SUMF1: variants seen among roughly 807,000 people sequenced by gnomAD.
The protein encoded by SUMF1 is formylglycine-generating enzyme.
A neutral mutation model predicts 47.6 loss-of-function variants in SUMF1; 48 were observed. That is an observed-to-expected ratio of 1.01 (90% CI 0.80 to 1.28). The LOEUF (loss-of-function observed/expected upper bound fraction) is 1.28. Ranked by LOEUF, SUMF1 falls within the 50% of genes most tolerant of loss-of-function variation. SUMF1 has a pLI of 0.00. For missense variants in SUMF1, 571 were observed against 485.4 expected (o/e 1.18, Z -1.66); for synonymous variants, 230 against 192.1 (o/e 1.20, Z -1.63).
intron 6 of SUMF1, among the ~76,000 whole-genome samples, chr3:4,416,629 A>G (rs187471808): frequency 7.0e-4 from 106 of 152,376 alleles, no homozygotes; most frequent in African/African-American, 2.4e-3. Flanking sequence ...TGAGCAAGTT[A>G]GTTAACCTCT....
At chr3:4,082,831 G>C (rs1692596101) in intron 8 of SUMF1, among the ~76,000 whole-genome samples, 1 of 151,984 alleles carries the variant, frequency 6.6e-6, no homozygotes, top group Non-Finnish European at 1.5e-5. Context: ...TGGAAAAGGA[G>C]GGTCTCTCAG....
At chr3:4,151,571 AC>A (rs1694335692) in intron 8 of SUMF1, among the ~76,000 whole-genome samples, 1 of 148,188 alleles carries the variant, frequency 6.7e-6, no homozygotes, top group African/African-American at 2.5e-5. Context: ...ACACACACAC[AC>A]ACACACACAC....
intron 8 of SUMF1, among the ~76,000 whole-genome samples, chr3:4,179,634 C>G (rs375226715): frequency 5.3e-4 from 80 of 152,186 alleles, no homozygotes; most frequent in Non-Finnish European, 8.7e-4. Context: ...TAGGCATGGG[C>G]AAGGACTTCA....
At chr3:4,058,375 G>T (rs1381216239) in intron 9 of SUMF1, among the ~76,000 whole-genome samples, 1 of 152,122 alleles carries the variant, frequency 6.6e-6, no homozygotes, top group Non-Finnish European at 1.5e-5. Context: ...TTCAGAAATG[G>T]CCTTCGAATG....
In SUMF1 at chr3:4,050,303, A is replaced by G. The variant is rs187832372; in HGVS notation, c.1191+18266T>C. 4.6e-4 allele frequency among the ~76,000 whole-genome samples: 70 copies of G among 152,050 alleles called. 1 individual carries two copies. Among genetic ancestry groups the G allele is most frequent in the African/African-American group, 1.5e-3 (63 of 41,468 alleles). On this transcript the variant is annotated intron_variant and NMD_transcript_variant, in intron 9 of 12. Transcript: ENST00000448413. ...AACCTGACCTACTTTCCGAAAAAAA[A>G]AATACATCTCCAAGGCAATCTATTG...
Position 4,093,062 on chromosome 3 carries a change from A to G in SUMF1, c.1015-24317T>C, listed in dbSNP as rs375447607. 2.0e-4 allele frequency among the ~76,000 whole-genome samples: 31 copies of G among 152,196 alleles called. 1 individual carries two copies. In the East Asian group the frequency reaches 3.9e-3, roughly 19 times the overall value. On this transcript the variant is annotated intron_variant and NMD_transcript_variant, in intron 8 of 12. Coordinates refer to the SUMF1 transcript ENST00000448413. The stretch of plus-strand genomic sequence containing the variant: ...CTGCAATTGGGTAGACTGGCTTCTG[A>G]TCCTGGTTCTGTCATTTGTAGTTGG...
At position 4,292,054 on chromosome 3, in the gene SUMF1, C is replaced by T. The variant is rs73806983; in HGVS notation, c.1014+84276G>A. ...TAAAAAGTACAACCAAAGATTGAAA[C>T]AACTAATTATTTGCAAAAACATGTT... On this transcript the variant is annotated intron_variant and NMD_transcript_variant, in intron 8 of 12. Transcript: ENST00000448413. Among the ~76,000 whole-genome samples the T allele has an allele frequency of 6.1e-3, 923 of 152,206 alleles. 13 individuals carry two copies. Among genetic ancestry groups the T allele is most frequent in the African/African-American group, 0.021 (889 of 41,540 alleles).
At chr3:4,041,218 C>T (rs1270020992) in intron 9 of SUMF1, among the ~76,000 whole-genome samples, 2 of 152,124 alleles carry the variant, frequency 1.3e-5, no homozygotes, top group African/African-American at 4.8e-5. Flanking sequence ...ACTACAGGCA[C>T]ACACCACCAT....
chr3:4,243,350 T>G (rs576693331), intron 8 of SUMF1, among the ~76,000 whole-genome samples: 1 of 152,228 alleles, frequency 6.6e-6, no homozygotes, highest in African/African-American at 2.4e-5. Flanking sequence ...TTAATTGTAG[T>G]GTTAGGCTGT....
At chr3:4,040,488 T>G (rs1032228860) in intron 9 of SUMF1, among the ~76,000 whole-genome samples, 13 of 152,170 alleles carry the variant, frequency 8.5e-5, no homozygotes, top group Non-Finnish European at 1.3e-4. Context: ...GATGAAGATA[T>G]ACGGGATATA....
chr3:4,190,327 G>A (rs1038332086), intron 8 of SUMF1, among the ~76,000 whole-genome samples: 19 of 152,022 alleles, frequency 1.2e-4, no homozygotes, highest in Non-Finnish European at 2.6e-4. Flanking sequence ...ACTGTGTGTT[G>A]GCGACAGCAA....
At chr3:4,133,208 C>T (rs905776004) in intron 8 of SUMF1, among the ~76,000 whole-genome samples, 24 of 152,088 alleles carry the variant, frequency 1.6e-4, no homozygotes, top group Non-Finnish European at 2.9e-4. Context: ...TCTCCTTTAT[C>T]ATGTGACATA....
At chr3:4,378,648 C>G (rs757660012) in intron 7 of SUMF1, among the ~76,000 whole-genome samples, 4 of 152,178 alleles carry the variant, frequency 2.6e-5, no homozygotes, top group Admixed American at 1.3e-4. Flanking sequence ...CAGTTTATTA[C>G]TCTATAAGAC....
chr3:4,443,172 G>A (rs998667419), intron 3 of SUMF1, among the ~76,000 whole-genome samples: 1 of 152,164 alleles, frequency 6.6e-6, no homozygotes, highest in Non-Finnish European at 1.5e-5. Flanking sequence ...CAGCTACTCA[G>A]GAGGATGGGG....
At chr3:4,393,170 G>A (rs1700930996) in intron 7 of SUMF1, among the ~76,000 whole-genome samples, 1 of 152,118 alleles carries the variant, frequency 6.6e-6, no homozygotes, top group Admixed American at 6.5e-5. Context: ...CTGCTACCGT[G>A]GGCTAGTCAT....
chr3:4,146,628 T>A (rs1694199194), intron 8 of SUMF1, among the ~76,000 whole-genome samples: 1 of 152,016 alleles, frequency 6.6e-6, no homozygotes, highest in East Asian at 1.9e-4. Flanking sequence ...GTTGGTGTGC[T>A]GCACCCAGTA....
At chr3:4,201,293 T>C (rs1251042350) in intron 8 of SUMF1, among the ~76,000 whole-genome samples, 2 of 152,092 alleles carry the variant, frequency 1.3e-5, no homozygotes, top group Non-Finnish European at 2.9e-5. Context: ...CCCCACACAC[T>C]ACCCTTCCTA....
intron 8 of SUMF1, among the ~76,000 whole-genome samples, chr3:4,275,123 C>G (rs922305788): frequency 1.3e-5 from 2 of 152,060 alleles, no homozygotes; most frequent in Non-Finnish European, 2.9e-5. Context: ...ACTGTACATT[C>G]TTTTCTTTAT....
At chr3:4,226,930 T>G (rs1696187513) in intron 8 of SUMF1, among the ~76,000 whole-genome samples, 1 of 152,062 alleles carries the variant, frequency 6.6e-6, no homozygotes, top group Non-Finnish European at 1.5e-5. Flanking sequence ...TTAAAATCAC[T>G]CTGGGGGCTA....
Sources: allele counts gnomAD v4.1 joint callset (sites outside exome capture counted in the v4.1 genomes callset), GRCh38; gene constraint gnomAD v4.1.1; transcripts MANE v1.5; gene names NCBI Gene and HGNC (gene_info 2026-07-23, HGNC 2026-07-21).